Variants in FBXL17 observed in about 807,000 individuals in gnomAD.
FBXL17 encodes the protein F-box and leucine rich repeat protein 17.
A neutral mutation model predicts 66.2 loss-of-function variants in FBXL17; 22 were observed. That is an observed-to-expected ratio of 0.33 (90% CI 0.24 to 0.47). The LOEUF (loss-of-function observed/expected upper bound fraction) is 0.47. Among genes scored for constraint, FBXL17 ranks in the 20% least tolerant of loss-of-function variants. FBXL17 has a pLI of 1.00. For synonymous variants in FBXL17, 474 were observed against 400.5 expected (o/e 1.18, Z -2.19); for missense variants, 878 against 948.2 (o/e 0.93, Z 0.97).
rs1008567655 is a variant in FBXL17, at chr5:107,861,298, T to C, written c.*422A>G. On this transcript the variant is annotated 3_prime_UTR_variant, in exon 9 of 9. Transcript: ENST00000542267. ...GAGAGAGTGTAAGTGCCTGTACGTA[T>C]AACATCACTTCTGCTGTAGTCATCA... is the stretch of plus-strand genomic sequence containing the variant. 2.6e-5 allele frequency: 4 copies of C among 152,368 alleles called. No individual in the cohort carries two copies. The highest frequency in any genetic ancestry group is 2.0e-4 in the Admixed American group (3 of 15,274). 9.4% of individuals were successfully genotyped at this position (152,368 alleles called of 1,614,324 possible).
intron 3 of FBXL17, among the ~76,000 whole-genome samples, chr5:108,355,260 CTTTATTTA>C (rs144119979): frequency 0.025 from 3,515 of 141,454 alleles, 132 homozygotes; most frequent in African/African-American, 0.078. Context: ...GGATGAAAAA[CTTTATTTA>C]TTTATTTATT....
Position 108,239,255 on chromosome 5 carries a change from T to C in FBXL17, c.1507-15027A>G, listed in dbSNP as rs143778373. On this transcript the variant is annotated intron_variant, in intron 4 of 8. Coordinates refer to ENST00000542267, the MANE Select transcript of FBXL17 (RefSeq NM_001163315.3). ...TTTTAAGAACCAAAACTCAGGTGAG[T>C]GATCACAGTATCTGGTTTTAACTTC... is the stretch of plus-strand genomic sequence containing the variant. Among the ~76,000 whole-genome samples the C allele has an allele frequency of 7.1e-3, 1,075 of 152,208 alleles. 3 individuals are homozygous for C. Among genetic ancestry groups the C allele is most frequent in the Non-Finnish European group, 0.012 (786 of 68,008 alleles).
chr5:108,151,343 A>G (rs765239669), intron 6 of FBXL17, among the ~76,000 whole-genome samples: 39 of 152,336 alleles, frequency 2.6e-4, no homozygotes, highest in Middle Eastern at 3.4e-3. Flanking sequence ...GGTTAATAAG[A>G]AAATTCTCTT....
intron 4 of FBXL17, chr5:108,302,093 A>G (rs58131807): frequency 0.16 from 139,638 of 893,094 alleles, 11,347 homozygotes; most frequent in Non-Finnish European, 0.17. Flanking sequence ...GGACCAATCA[A>G]TAAAGTAATT....
chr5:108,306,814 C>A (rs1460510929), intron 4 of FBXL17, among the ~76,000 whole-genome samples: 1 of 151,900 alleles, frequency 6.6e-6, no homozygotes, highest in East Asian at 1.9e-4. Context: ...TTCATATTCT[C>A]TCTCTTCACT....
intron 4 of FBXL17, among the ~76,000 whole-genome samples, chr5:108,332,829 G>C (rs138456317): frequency 5.8e-4 from 87 of 148,902 alleles, no homozygotes; most frequent in Non-Finnish European, 7.0e-4. Context: ...GGCTAGTTTC[G>C]AACTCCTGAC....
At position 108,090,181 on chromosome 5, in the gene FBXL17, CAT is replaced by C. The variant is rs560893779; in HGVS notation, c.1746-69182_1746-69181del. 2.3e-3 allele frequency among the ~76,000 whole-genome samples: 356 copies of C among 152,284 alleles called. 1 individual carries two copies. Among genetic ancestry groups the C allele is most frequent in the African/African-American group, 8.0e-3 (332 of 41,546 alleles). On this transcript the variant is annotated intron_variant, in intron 6 of 8. Transcript: ENST00000542267. ...CATAACATAAAGAAATAATTAGTAA[CAT>C]GTATCATCACTAAATAATCTGAGTA...
chr5:108,009,194 CATATATATATATATATAT>C (rs373679985), intron 7 of FBXL17, among the ~76,000 whole-genome samples: 2 of 54,146 alleles, frequency 3.7e-5, no homozygotes, highest in African/African-American at 7.0e-5. Flanking sequence ...ATTTGAAAAG[CATATATATATATATATAT>C]ATATATATAT....
intron 7 of FBXL17, among the ~76,000 whole-genome samples, chr5:107,953,792 T>C (rs961472842): frequency 6.6e-6 from 1 of 152,230 alleles, no homozygotes; most frequent in African/African-American, 2.4e-5. Context: ...AGCGAGTACA[T>C]TGAAATTATA....
At chr5:108,222,061 ATCCTT>A (rs1754888947) in intron 5 of FBXL17, among the ~76,000 whole-genome samples, 11 of 152,310 alleles carry the variant, frequency 7.2e-5, no homozygotes, top group African/African-American at 2.6e-4. Flanking sequence ...CAAACCAGCA[ATCCTT>A]GCCTAAAATC....
chr5:108,281,740 A>T (rs1757709011), intron 4 of FBXL17, among the ~76,000 whole-genome samples: 1 of 152,000 alleles, frequency 6.6e-6, no homozygotes. Context: ...CAACAAAACA[A>T]AAAGTTGGTT....
At chr5:108,014,813 G>C (rs548829044) in intron 7 of FBXL17, among the ~76,000 whole-genome samples, 6 of 152,298 alleles carry the variant, frequency 3.9e-5, no homozygotes, top group South Asian at 4.2e-4. Context: ...TGGACTCACA[G>C]TTCCATGTGA....
intron 8 of FBXL17, chr5:107,878,999 A>C: frequency 1.0e-6 from 1 of 985,496 alleles, no homozygotes; most frequent in Non-Finnish European, 1.2e-6. Flanking sequence ...GATACAGCTA[A>C]TCTGAATACT....
At chr5:108,182,220 G>A (rs774074973) in intron 6 of FBXL17, among the ~76,000 whole-genome samples, 2 of 152,130 alleles carry the variant, frequency 1.3e-5, no homozygotes, top group African/African-American at 4.8e-5. Flanking sequence ...TGATTTACTG[G>A]AGGATAATAA....
chr5:107,961,148 G>A (rs940258957), intron 7 of FBXL17, among the ~76,000 whole-genome samples: 1 of 152,022 alleles, frequency 6.6e-6, no homozygotes, highest in African/African-American at 2.4e-5. Context: ...ACAGACATGG[G>A]AACTTTAGGT....
rs150324921 is a variant in FBXL17 at position 107,950,246 on chromosome 5, C to T, written c.1823-69067G>A. Among the ~76,000 whole-genome samples the T allele has an allele frequency of 7.2e-5, 11 of 152,034 alleles. No homozygotes were observed. In the East Asian group the frequency reaches 9.7e-4, roughly 13 times the overall value. ...TCTGCTCATTTAGAAAGCAAATTTC[C>T]GGGATCACTTTAGATATACAATTAT... On this transcript the variant is annotated intron_variant, in intron 7 of 8. Coordinates refer to ENST00000542267, the MANE Select transcript of FBXL17 (RefSeq NM_001163315.3).
intron 4 of FBXL17, among the ~76,000 whole-genome samples, chr5:108,232,800 T>TATATATACAC (rs1755420126): frequency 1.5e-5 from 2 of 132,610 alleles, no homozygotes; most frequent in African/African-American, 5.6e-5. Context: ...TATATATATA[T>TATATATACAC]ATATAATATA....
chr5:108,246,386 G>A (rs898987380), intron 4 of FBXL17, among the ~76,000 whole-genome samples: 36 of 152,078 alleles, frequency 2.4e-4, no homozygotes, highest in African/African-American at 8.0e-4. Flanking sequence ...GCACGGTTGT[G>A]CACACCTGTA....
intron 6 of FBXL17, among the ~76,000 whole-genome samples, chr5:108,081,559 A>T (rs1748765741): frequency 6.6e-6 from 1 of 152,042 alleles, no homozygotes; most frequent in African/African-American, 2.4e-5. Context: ...GTCTCTACTA[A>T]AAATACAAAA....
Sources: allele counts gnomAD v4.1 joint callset (sites outside exome capture counted in the v4.1 genomes callset), GRCh38; gene constraint gnomAD v4.1.1; transcripts MANE v1.5; gene names NCBI Gene and HGNC (gene_info 2026-07-23, HGNC 2026-07-21).